The following HAPSTR1 variants were observed in gnomAD, a reference collection of about 807,000 sequenced individuals.
The protein encoded by HAPSTR1 is HUWE1 associated protein modifying stress responses, also known as HUWE1-associated protein modifying stress responses 1.
chr16:9,116,558 A>G, the HAPSTR1 span: 3 of 1,390,912 alleles, frequency 2.2e-6, no homozygotes, highest in African/African-American at 1.4e-5. Context: ...TCCCTTATAA[A>G]GGAAATAGGC....
chr16:9,104,832 A>G, the HAPSTR1 span: 1 of 152,182 alleles, frequency 6.6e-6, no homozygotes, highest in Non-Finnish European at 1.5e-5. Context: ...AGAGGTGTAC[A>G]TAGTTTGTTA....
At chr16:9,115,750 A>G in the HAPSTR1 span, among the ~76,000 whole-genome samples, 1 of 152,106 alleles carries the variant, frequency 6.6e-6, no homozygotes, top group Non-Finnish European at 1.5e-5. Flanking sequence ...AGTAGCTGGG[A>G]TTACAGGCGC....
At chr16:9,119,874 C>T in the HAPSTR1 span, 1 of 152,330 alleles carries the variant, frequency 6.6e-6, no homozygotes, top group African/African-American at 2.4e-5. Flanking sequence ...TTCCATTCAA[C>T]AGTGAAAACT....
chr16:9,097,429 G>A, the HAPSTR1 span, among the ~76,000 whole-genome samples: 2 of 151,946 alleles, frequency 1.3e-5, no homozygotes, highest in Non-Finnish European at 2.9e-5. Flanking sequence ...TTTTGGTAGA[G>A]ATGAGGTTTT....
chr16:9,097,818 A>G, the HAPSTR1 span, among the ~76,000 whole-genome samples: 1 of 152,240 alleles, frequency 6.6e-6, no homozygotes, highest in Admixed American at 6.5e-5. Flanking sequence ...GACTTCTGTC[A>G]TCTCTTGGCC....
chr16:9,111,756 G>A, the HAPSTR1 span: 4 of 152,104 alleles, frequency 2.6e-5, no homozygotes, highest in Non-Finnish European at 5.9e-5. Flanking sequence ...TGGAAAATTT[G>A]AAAGTTTTCA....
At chr16:9,117,762 G>C in the HAPSTR1 span, 3 of 152,460 alleles carry the variant, frequency 2.0e-5, no homozygotes, top group South Asian at 6.2e-4. Context: ...TTCCTTTTTG[G>C]TTCAGTATTA....
the HAPSTR1 span, chr16:9,117,505 A>C: frequency 6.5e-6 from 1 of 153,584 alleles, no homozygotes; most frequent in Non-Finnish European, 1.5e-5. Flanking sequence ...TATGATGGTC[A>C]TGCAATTAAT....
the HAPSTR1 span, chr16:9,091,773 C>G: frequency 3.2e-5 from 12 of 380,102 alleles, no homozygotes; most frequent in Non-Finnish European, 5.5e-5. Context: ...GCGGCCGAGG[C>G]GAGGGGCGGC....
At chr16:9,118,372 C>T in the HAPSTR1 span, 1 of 152,602 alleles carries the variant, frequency 6.6e-6, no homozygotes, top group Non-Finnish European at 1.5e-5. Context: ...TTAAAGTTTG[C>T]AATTTCTTCA....
the HAPSTR1 span, among the ~76,000 whole-genome samples, chr16:9,096,433 C>G: frequency 0.014 from 2,085 of 152,208 alleles, 17 homozygotes; most frequent in Non-Finnish European, 0.023. Context: ...GTAGAATTGA[C>G]AGGTGGGAAA....
chr16:9,116,585 T>C, the HAPSTR1 span: 2 of 1,522,366 alleles, frequency 1.3e-6, no homozygotes, highest in Non-Finnish European at 8.9e-7. Context: ...GCTTTGACAT[T>C]GTGACAACAT....
At chr16:9,104,638 A>C in the HAPSTR1 span, 1 of 152,228 alleles carries the variant, frequency 6.6e-6, no homozygotes, top group Non-Finnish European at 1.5e-5. Flanking sequence ...AAACAAAAAC[A>C]TGAATTGCAG....
the HAPSTR1 span, chr16:9,111,294 C>A: frequency 8.5e-5 from 13 of 152,166 alleles, no homozygotes; most frequent in African/African-American, 2.4e-4. Context: ...TAAAATGTGT[C>A]TAAAGACCTT....
chr16:9,113,024 TTTG>T, the HAPSTR1 span: 2 of 150,542 alleles, frequency 1.3e-5, no homozygotes, highest in Non-Finnish European at 3.0e-5. Flanking sequence ...TTTTGTTTTT[TTTG>T]TTTTTTTTTG....
chr16:9,105,135 A>T, the HAPSTR1 span: 1 of 152,178 alleles, frequency 6.6e-6, no homozygotes. Context: ...AATCTGTTCC[A>T]CCTGTGATTT....
the HAPSTR1 span, chr16:9,111,121 C>CCT: frequency 6.6e-6 from 1 of 152,236 alleles, no homozygotes; most frequent in East Asian, 1.9e-4. Context: ...TTAGAACCAA[C>CCT]CTGTTGGATT....
At chr16:9,094,654 C>T in the HAPSTR1 span, among the ~76,000 whole-genome samples, 10 of 152,130 alleles carry the variant, frequency 6.6e-5, no homozygotes, top group Non-Finnish European at 4.4e-5. Context: ...ATAAGGTTCA[C>T]CCATCGAGTT....
chr16:9,104,590 A>G, the HAPSTR1 span: 1 of 152,192 alleles, frequency 6.6e-6, no homozygotes, highest in African/African-American at 2.4e-5. Flanking sequence ...TGAAACCCCA[A>G]TGTTGTTTTT....
Sources: gnomAD v4.1 joint callset for allele counts (sites outside exome capture counted in the v4.1 genomes callset) on GRCh38, gnomAD v4.1.1 for gene constraint, MANE v1.5 for transcripts, NCBI Gene and HGNC (gene_info 2026-07-23, HGNC 2026-07-21) for gene names.